Variants in PIR observed in about 807,000 individuals in gnomAD.
The protein encoded by PIR is pirin (iron-binding nuclear protein).
Under a neutral mutation model 24.2 loss-of-function variants are expected in PIR, and 22 were observed. The observed-to-expected ratio is 0.91, with a 90% CI of 0.65 to 1.30. The LOEUF is 1.30. PIR is among the 50% of genes most tolerant of loss of function. PIR has a pLI of 0.00. For synonymous variants in PIR, 80 were observed against 79.6 expected, an observed-to-expected ratio of 1.00 and a Z score of -0.03; for missense variants, 220 against 220.3, an observed-to-expected ratio of 1.00 and a Z score of 0.01.
Position 15,459,748 on chromosome X carries a change from A to T in PIR, c.190-8T>A, listed in dbSNP as rs769951468. 9.3e-7 allele frequency: 1 copy of T among 1,074,806 alleles called. No homozygotes were observed. Among genetic ancestry groups the T allele is most frequent in the Admixed American group, 2.2e-5 (1 of 45,662 alleles). The allele number at this position is 1,074,806 out of a possible 1,213,427, so 88.6% of individuals were successfully genotyped here. A position where few individuals can be genotyped will look rare whatever the true frequency, so the allele number is the denominator to read the frequency against. On this transcript the variant is annotated splice_region_variant and splice_polypyrimidine_tract_variant and intron_variant, in intron 3 of 9. Coordinates refer to ENST00000380420, the MANE Select transcript of PIR (RefSeq NM_001018109.3). ...TTCCAGGAGGTAGGATACCTTTGAA[A>T]AACAAACAGGAAAAAAAGTAGATCC...
intron 5 of PIR, among the ~76,000 whole-genome samples, chrX:15,441,991 G>A (rs1034553587): frequency 8.1e-5 from 9 of 110,900 alleles, no homozygotes; most frequent in African/African-American, 1.6e-4. Context: ...CAATTCGTTC[G>A]GAACTTGGGA....
intron 6 of PIR, among the ~76,000 whole-genome samples, chrX:15,419,313 T>C (rs1170082360): frequency 9.2e-6 from 1 of 108,447 alleles, no homozygotes; most frequent in East Asian, 2.9e-4. Flanking sequence ...TTTGTATTTG[T>C]CACCTAATGC....
chrX:15,449,604 T>G (rs1602276123), intron 5 of PIR, among the ~76,000 whole-genome samples: 1 of 112,187 alleles, frequency 8.9e-6, no homozygotes, highest in East Asian at 2.8e-4. Flanking sequence ...AGAAACTGCC[T>G]CAAAGAAATA....
chrX:15,392,913 CA>C (rs760843603), intron 8 of PIR, among the ~76,000 whole-genome samples: 1 of 112,266 alleles, frequency 8.9e-6, no homozygotes, highest in African/African-American at 3.2e-5. Flanking sequence ...CCAGAAAATA[CA>C]GTGATGATGT....
At chrX:15,388,100 T>C (rs1014897575) in intron 9 of PIR, among the ~76,000 whole-genome samples, 2 of 112,376 alleles carry the variant, frequency 1.8e-5, no homozygotes, top group African/African-American at 3.2e-5. Context: ...ATTGATCAAC[T>C]ACAAGGGTTG....
intron 2 of PIR, among the ~76,000 whole-genome samples, chrX:15,482,086 G>A (rs989681767): frequency 5.4e-5 from 6 of 111,923 alleles, no homozygotes; most frequent in African/African-American, 9.7e-5. Flanking sequence ...GCACTTAATC[G>A]CTCCCTATGT....
At chrX:15,457,052 G>A (rs889755571) in intron 4 of PIR, among the ~76,000 whole-genome samples, 7 of 112,284 alleles carry the variant, frequency 6.2e-5, no homozygotes, top group Non-Finnish European at 9.4e-5. Context: ...AGAGAGTAGG[G>A]AAGAGTGAGG....
At chrX:15,470,376 T>C (rs1405864088) in intron 3 of PIR, among the ~76,000 whole-genome samples, 1 of 111,718 alleles carries the variant, frequency 9.0e-6, no homozygotes, top group Non-Finnish European at 1.9e-5. Context: ...TCTAAGAGTC[T>C]GTTGATTGGA....
rs373407687 is a variant in PIR at position 15,466,883 on chromosome X, A to G, written c.190-7143T>C. Among the ~76,000 whole-genome samples the G allele has an allele frequency of 6.2e-5, 7 of 112,226 alleles. No homozygotes were observed. The East Asian group carries it at 1.1e-3, about 18-fold the overall frequency. On this transcript the variant is annotated intron_variant, in intron 3 of 9. Transcript: ENST00000380420. ...CCAGCCCATCTGGTCTAATTTATCA[A>G]TCAATTCTGTATCCTCCAACCATGG...
rs748211187 is a variant in PIR at position 15,409,163 on chromosome X, A to T, written c.566-1613T>A. Among the ~76,000 whole-genome samples, 6 of 91,075 alleles carry T rather than the reference A, an allele frequency of 6.6e-5. No individual in the cohort carries two copies. The East Asian group carries it at 2.0e-3, about 31-fold the overall frequency. The allele number at this position is 91,075 out of a possible 115,157, so 79.1% of individuals were successfully genotyped here. A position where few individuals can be genotyped will look rare whatever the true frequency, so the allele number is the denominator to read the frequency against. On this transcript the variant is annotated intron_variant, in intron 6 of 9. Coordinates refer to ENST00000380420, the MANE Select transcript of PIR (RefSeq NM_001018109.3). ...GCCCAGGCTGGAGTGCAGTGGTGCGATCTCCGCTCACTGCAAGCTCCGCCT... is the reference window on the plus strand; with the variant it reads ...GCCCAGGCTGGAGTGCAGTGGTGCGTTCTCCGCTCACTGCAAGCTCCGCCT...
At chrX:15,403,371 G>C (rs1924451740) in intron 7 of PIR, among the ~76,000 whole-genome samples, 2 of 112,199 alleles carry the variant, frequency 1.8e-5, no homozygotes, top group African/African-American at 6.5e-5. Flanking sequence ...TATTTTCTAA[G>C]CACCAACAGT....
chrX:15,425,125 A>C (rs1925263923), intron 6 of PIR, among the ~76,000 whole-genome samples: 2 of 111,723 alleles, frequency 1.8e-5, no homozygotes, highest in African/African-American at 3.3e-5. Context: ...TAACCTTTAC[A>C]TAACAACACC....
intron 9 of PIR, among the ~76,000 whole-genome samples, chrX:15,385,461 C>T (rs1248394918): frequency 3.6e-5 from 4 of 111,907 alleles, no homozygotes; most frequent in Non-Finnish European, 7.5e-5. Context: ...ATAACATTAG[C>T]TGATGTCAAG....
chrX:15,452,742 C>T (rs1920979721), intron 5 of PIR, among the ~76,000 whole-genome samples: 2 of 112,222 alleles, frequency 1.8e-5, no homozygotes, highest in Non-Finnish European at 3.8e-5. Context: ...ATTGGCATCA[C>T]CTGGGAGCCT....
At chrX:15,476,668 A>G (rs1922210479) in intron 3 of PIR, among the ~76,000 whole-genome samples, 1 of 111,746 alleles carries the variant, frequency 8.9e-6, no homozygotes, top group Admixed American at 9.6e-5. Flanking sequence ...CAGGAAAAAA[A>G]AAATCCAAGA....
intron 6 of PIR, among the ~76,000 whole-genome samples, chrX:15,419,108 G>T (rs1358145794): frequency 9.1e-5 from 10 of 109,530 alleles, no homozygotes; most frequent in African/African-American, 3.3e-4. Context: ...GATGGAATTT[G>T]ACCTGGAAAG....
intron 8 of PIR, among the ~76,000 whole-genome samples, chrX:15,392,994 T>C (rs1924006748): frequency 8.9e-6 from 1 of 112,357 alleles, no homozygotes; most frequent in African/African-American, 3.2e-5. Context: ...TGGTGTCAAA[T>C]GATGAAAATC....
intron 4 of PIR, among the ~76,000 whole-genome samples, chrX:15,457,134 G>A (rs1921116234): frequency 8.9e-6 from 1 of 112,137 alleles, no homozygotes; most frequent in Non-Finnish European, 1.9e-5. Context: ...CAATCCCACT[G>A]GGAACCATAT....
At chrX:15,396,515 C>T (rs1383674035) in intron 8 of PIR, among the ~76,000 whole-genome samples, 1 of 111,410 alleles carries the variant, frequency 9.0e-6, no homozygotes, top group Non-Finnish European at 1.9e-5. Flanking sequence ...CTCCTCAATC[C>T]TCTTTATAAG....
Sources: allele counts gnomAD v4.1 joint callset (sites outside exome capture counted in the v4.1 genomes callset), GRCh38; gene constraint gnomAD v4.1.1; transcripts MANE v1.5; gene names NCBI Gene and HGNC (gene_info 2026-07-23, HGNC 2026-07-21).